The following STOX2 variants were observed in gnomAD, a reference collection of about 807,000 sequenced individuals.
The protein encoded by STOX2 is storkhead-box protein 2.
STOX2 carries 28 observed loss-of-function variants against 60.9 expected under a neutral mutation model. The observed-to-expected ratio is 0.46, with a 90% CI of 0.34 to 0.63. STOX2 has a LOEUF of 0.63. Ranked by LOEUF, STOX2 falls within the 30% of genes least tolerant of loss-of-function variation. The pLI is 0.01. For missense variants in STOX2, 1,024 were observed against 1,187.7 expected (o/e 0.86, Z 2.03); for synonymous variants, 472 against 463.9 (o/e 1.02, Z -0.22).
intron 1 of STOX2, among the ~76,000 whole-genome samples, chr4:183,873,306 C>T (rs369489847): frequency 7.9e-5 from 12 of 152,058 alleles, no homozygotes; most frequent in South Asian, 4.1e-4. Flanking sequence ...ATTAGCCAGG[C>T]GTGTTGGCAC....
chr4:183,981,881 T>G (rs1406332825), intron 1 of STOX2, among the ~76,000 whole-genome samples: 1 of 152,188 alleles, frequency 6.6e-6, no homozygotes, highest in Non-Finnish European at 1.5e-5. Flanking sequence ...GAGGGTGCAG[T>G]GAGCCAAGAT....
intron 1 of STOX2, among the ~76,000 whole-genome samples, chr4:183,815,370 A>G (rs1739131696): frequency 6.6e-6 from 1 of 152,196 alleles, no homozygotes; most frequent in African/African-American, 2.4e-5. Flanking sequence ...TCTTAGCAAA[A>G]TACTATAAAA....
At chr4:183,933,065 G>A (rs1742483401) in intron 1 of STOX2, among the ~76,000 whole-genome samples, 1 of 152,136 alleles carries the variant, frequency 6.6e-6, no homozygotes, top group Non-Finnish European at 1.5e-5. Context: ...ATATGACATT[G>A]CTTTCTGAAT....
At chr4:183,932,246 A>G (rs1742445711) in intron 1 of STOX2, among the ~76,000 whole-genome samples, 1 of 151,814 alleles carries the variant, frequency 6.6e-6, no homozygotes, top group South Asian at 2.1e-4. Context: ...TCCATTTTAG[A>G]TATGTTGAGT....
chr4:183,880,261 G>A (rs1560860763), intron 1 of STOX2, among the ~76,000 whole-genome samples: 2 of 152,296 alleles, frequency 1.3e-5, no homozygotes, highest in East Asian at 3.9e-4. Context: ...TGTGATTACA[G>A]GCATGAGCCA....
At chr4:183,975,344 G>A (rs1412826448) in intron 1 of STOX2, among the ~76,000 whole-genome samples, 1 of 151,972 alleles carries the variant, frequency 6.6e-6, no homozygotes, top group Non-Finnish European at 1.5e-5. Context: ...AAAGATAAGA[G>A]TAGATATCAA....
chr4:183,899,128 C>G (rs190345225), intron 1 of STOX2, among the ~76,000 whole-genome samples: 4 of 152,162 alleles, frequency 2.6e-5, no homozygotes, highest in Non-Finnish European at 4.4e-5. Flanking sequence ...TGGGGCTCCA[C>G]GAAGTGTGCC....
At chr4:183,900,123 C>T (rs1345761225) in intron 1 of STOX2, among the ~76,000 whole-genome samples, 2 of 152,204 alleles carry the variant, frequency 1.3e-5, no homozygotes, top group East Asian at 1.9e-4. Flanking sequence ...TTTAAGCCCA[C>T]TGTTGAGACC....
chr4:183,881,503 A>G (rs529643944), intron 1 of STOX2, among the ~76,000 whole-genome samples: 35 of 152,316 alleles, frequency 2.3e-4, no homozygotes, highest in African/African-American at 7.5e-4. Context: ...TCCTTCTGAA[A>G]AAAAGAAAAG....
chr4:183,839,074 G>A (rs986445061), intron 1 of STOX2, among the ~76,000 whole-genome samples: 2 of 147,680 alleles, frequency 1.4e-5, no homozygotes, highest in African/African-American at 5.2e-5. Context: ...CACACACAGA[G>A]AGCAGGCCAG....
intron 1 of STOX2, among the ~76,000 whole-genome samples, chr4:183,993,327 T>A (rs1330799752): frequency 2.0e-5 from 3 of 152,244 alleles, no homozygotes; most frequent in Non-Finnish European, 1.5e-5. Flanking sequence ...CTTCACATAG[T>A]GGCATTAGAC....
In STOX2 at chr4:183,827,056, G is replaced by A. The variant is rs190288854; in HGVS notation, c.364+29001G>A. On this transcript the variant is annotated intron_variant, in intron 1 of 2. Transcript: ENST00000513034. ...CACCATCTGAGGAAACTGAGGCACA[G>A]AGTGGTTAGGTGCCCAGGGTCACCT... is the stretch of plus-strand genomic sequence containing the variant. 1.2e-3 allele frequency among the ~76,000 whole-genome samples: 185 copies of A among 152,354 alleles called. 1 individual carries two copies. The highest frequency in any genetic ancestry group is 2.3e-3 in the Non-Finnish European group (155 of 68,030).
chr4:183,868,379 T>C (rs944507375), intron 1 of STOX2, among the ~76,000 whole-genome samples: 2 of 152,132 alleles, frequency 1.3e-5, no homozygotes, highest in South Asian at 2.1e-4. Flanking sequence ...TGAGCTATGA[T>C]TGTGCCATTG....
intron 1 of STOX2, among the ~76,000 whole-genome samples, chr4:183,929,894 C>T (rs1742364451): frequency 7.0e-6 from 1 of 142,480 alleles, no homozygotes; most frequent in South Asian, 2.1e-4. Flanking sequence ...GACGGAGTCT[C>T]ACTCTGTCGC....
At chr4:183,912,079 A>G (rs570231471) in intron 1 of STOX2, among the ~76,000 whole-genome samples, 1 of 152,210 alleles carries the variant, frequency 6.6e-6, no homozygotes, top group South Asian at 2.1e-4. Flanking sequence ...AGAAGATTCT[A>G]TTTGTTCCTC....
chr4:183,819,958 A>C (rs1739267814), intron 1 of STOX2, among the ~76,000 whole-genome samples: 1 of 152,260 alleles, frequency 6.6e-6, no homozygotes, highest in Non-Finnish European at 1.5e-5. Context: ...TGGAGTGCTT[A>C]GAGAATGTGC....
Position 184,001,213 on chromosome 4 carries a change from C to A in STOX2, c.167-112C>A. 3 of 997,906 alleles carry A rather than the reference C, an allele frequency of 3.0e-6. No individual in the cohort carries two copies. Among genetic ancestry groups the A allele is most frequent in the Non-Finnish European group, 4.5e-6 (3 of 667,830 alleles). 61.8% of individuals were successfully genotyped at this position (997,906 alleles called of 1,614,324 possible). On this transcript the variant is annotated intron_variant, in intron 1 of 3. Transcript: ENST00000308497. The surrounding 1 kb of genome is among the most constrained non-coding windows in gnomAD (Gnocchi z 4.2). Reference sequence around the variant, plus strand: ...GGAATTGGCAAGCAGCTGCTATGTTCGGAGCTGACTGTGTTCGTCAGACCA... The same window carrying A: ...GGAATTGGCAAGCAGCTGCTATGTTAGGAGCTGACTGTGTTCGTCAGACCA...
chr4:183,812,481 A>AT (rs1560826945), intron 1 of STOX2, among the ~76,000 whole-genome samples: 5 of 152,138 alleles, frequency 3.3e-5, no homozygotes, highest in South Asian at 2.1e-4. Context: ...TTTTTAAATG[A>AT]TTTTTTCTTC....
chr4:183,798,113 G>C lies in STOX2; in HGVS notation c.364+58G>C. 5 of 1,217,058 alleles carry C rather than the reference G, an allele frequency of 4.1e-6. No homozygotes were observed. In the East Asian group the frequency reaches 9.8e-5, roughly 24 times the overall value. The allele number at this position is 1,217,058 out of a possible 1,614,324, so 75.4% of individuals were successfully genotyped here. A position where few individuals can be genotyped will look rare whatever the true frequency, so the allele number is the denominator to read the frequency against. On this transcript the variant is annotated intron_variant, in intron 1 of 2. Coordinates refer to the STOX2 transcript ENST00000513034. Reference sequence around the variant, plus strand: ...CTTCCCACCGGATCGCGTCCGTGCCGTGCGGTCGCGGGTGCCCCGCCCTGC... The same window carrying C: ...CTTCCCACCGGATCGCGTCCGTGCCCTGCGGTCGCGGGTGCCCCGCCCTGC...
Sources: gnomAD v4.1 joint callset for allele counts (sites outside exome capture counted in the v4.1 genomes callset) on GRCh38, gnomAD v4.1.1 for gene constraint, Gnocchi (gnomAD v3.1) non-coding constraint, MANE v1.5 for transcripts, NCBI Gene and HGNC (gene_info 2026-07-23, HGNC 2026-07-21) for gene names.